Variants in PLSCR2 observed in about 807,000 individuals in gnomAD.
The protein encoded by PLSCR2 is PL scramblase 2.
Under a neutral mutation model 25.3 loss-of-function variants are expected in PLSCR2, and 18 were observed. The ratio of observed to expected loss-of-function variants is 0.71; its 90% CI spans 0.49 to 1.06. The LOEUF (loss-of-function observed/expected upper bound fraction) is 1.06. Ranked by LOEUF, PLSCR2 falls within the 50% of genes least tolerant of loss-of-function variation. The pLI is 0.00. For missense variants in PLSCR2, 243 were observed against 269.5 expected (o/e 0.90, Z 0.69); for synonymous variants, 88 against 87.3 (o/e 1.01, Z -0.04).
chr3:146,460,892 A>C (rs904747740), upstream of PLSCR2, among the ~76,000 whole-genome samples: 1 of 152,184 alleles, frequency 6.6e-6, no homozygotes, highest in African/African-American at 2.4e-5. Flanking sequence ...ATTGTTCTTA[A>C]AACATCAATT....
intron 1 of PLSCR2, among the ~76,000 whole-genome samples, chr3:146,494,254 T>C (rs941875731): frequency 2.6e-5 from 4 of 152,154 alleles, no homozygotes; most frequent in African/African-American, 4.8e-5. Flanking sequence ...ATAGAGACTA[T>C]TATTTGAAAT....
chr3:146,463,024 G>T (rs2041688865), upstream of PLSCR2, among the ~76,000 whole-genome samples: 1 of 152,074 alleles, frequency 6.6e-6, no homozygotes. Context: ...AGGTCCTGTG[G>T]CCCTGTCATG....
intron 1 of PLSCR2, among the ~76,000 whole-genome samples, chr3:146,474,178 A>G (rs1043339597): frequency 6.6e-6 from 1 of 152,188 alleles, no homozygotes; most frequent in Non-Finnish European, 1.5e-5. Flanking sequence ...TTATGTGAAG[A>G]CTGACTTGTG....
downstream of PLSCR2, among the ~76,000 whole-genome samples, chr3:146,440,276 G>C (rs764788207): frequency 6.6e-6 from 1 of 152,130 alleles, no homozygotes; most frequent in African/African-American, 2.4e-5. Flanking sequence ...ACTCTGTGCT[G>C]GGAGAAAAAC....
At chr3:146,461,412 T>C (rs73865729), upstream of PLSCR2, among the ~76,000 whole-genome samples, 1,556 of 152,306 alleles carry the variant, frequency 0.01, 31 homozygotes, top group African/African-American at 0.035. Flanking sequence ...TGATTGGCTC[T>C]GTTGTGGAAT....
chr3:146,495,020 G>T (rs1174088184), intron 1 of PLSCR2: 3 of 152,160 alleles, frequency 2.0e-5, no homozygotes, highest in Non-Finnish European at 4.4e-5. Flanking sequence ...GCTATAAAGT[G>T]AATCCAGGTA....
rs538901859 is a variant in PLSCR2 at position 146,493,793 on chromosome 3, T to G, written c.-293+2102A>C. 1.0e-4 allele frequency among the ~76,000 whole-genome samples: 15 copies of G among 149,090 alleles called. No individual in the cohort carries two copies. In the South Asian group the frequency reaches 2.1e-3, roughly 21 times the overall value. On this transcript the variant is annotated intron_variant, in intron 1 of 8. Transcript: ENST00000336685. Reference sequence around the variant, plus strand: ...TCAGTCCAAGGTGGCGTTTTTTTTTTTTTTTTTTTTTTTTGCAAGTGTAAA... The same window carrying G: ...TCAGTCCAAGGTGGCGTTTTTTTTTGTTTTTTTTTTTTTTGCAAGTGTAAA...
At chr3:146,495,101 G>A (rs929960429) in intron 1 of PLSCR2, 1 of 152,178 alleles carries the variant, frequency 6.6e-6, no homozygotes, top group Admixed American at 6.5e-5. Context: ...ATCAATTAGA[G>A]TAGGAGAGAA....
At chr3:146,485,338 C>A (rs1246905655) in intron 1 of PLSCR2, among the ~76,000 whole-genome samples, 1 of 152,080 alleles carries the variant, frequency 6.6e-6, no homozygotes, top group East Asian at 1.9e-4. Flanking sequence ...TAGACTCCCA[C>A]ATAATAATAG....
At chr3:146,478,100 G>C (rs1560048484) in intron 1 of PLSCR2, among the ~76,000 whole-genome samples, 1 of 152,246 alleles carries the variant, frequency 6.6e-6, no homozygotes, top group East Asian at 1.9e-4. Flanking sequence ...AACCCCATCT[G>C]TAGGTCACCA....
At chr3:146,399,837 C>T (rs574471397) in intron 2 of PLSCR2, among the ~76,000 whole-genome samples, 2 of 150,816 alleles carry the variant, frequency 1.3e-5, no homozygotes, top group South Asian at 4.2e-4. Flanking sequence ...TTCTTCCTTC[C>T]CTTTTTCTTA....
intron 2 of PLSCR2, among the ~76,000 whole-genome samples, chr3:146,412,033 A>AT (rs2038870350): frequency 1.3e-5 from 2 of 151,858 alleles, no homozygotes; most frequent in East Asian, 3.8e-4. Context: ...TGAAAGAGCC[A>AT]AGATGGAGTC....
At chr3:146,467,602 A>G (rs2041926901) in intron 1 of PLSCR2, among the ~76,000 whole-genome samples, 1 of 151,834 alleles carries the variant, frequency 6.6e-6, no homozygotes, top group African/African-American at 2.4e-5. Context: ...TATTAATTAA[A>G]TTTATTATAA....
At chr3:146,420,789 C>T (rs758705132) in intron 2 of PLSCR2, among the ~76,000 whole-genome samples, 14 of 152,082 alleles carry the variant, frequency 9.2e-5, no homozygotes, top group Admixed American at 6.6e-4. Flanking sequence ...AGAAAATAGG[C>T]GTATTGTATT....
chr3:146,395,995 A>T (rs907282156), intron 2 of PLSCR2: 1 of 252,132 alleles, frequency 4.0e-6, no homozygotes, highest in African/African-American at 2.3e-5. Context: ...CAAATTTATT[A>T]ATTATGACCT....
At chr3:146,426,490 A>G (rs975787326) in intron 2 of PLSCR2, among the ~76,000 whole-genome samples, 4 of 152,098 alleles carry the variant, frequency 2.6e-5, no homozygotes, top group Non-Finnish European at 5.9e-5. Context: ...AACTCTCTAT[A>G]AAACCTACCC....
At chr3:146,486,584 T>A (rs1198085227) in intron 1 of PLSCR2, among the ~76,000 whole-genome samples, 1 of 151,882 alleles carries the variant, frequency 6.6e-6, no homozygotes, top group Non-Finnish European at 1.5e-5. Context: ...AATGGATAAA[T>A]TCCTGGACAT....
chr3:146,442,052 TTTAA>T (rs955293842), intron 6 of PLSCR2, among the ~76,000 whole-genome samples: 29 of 152,208 alleles, frequency 1.9e-4, no homozygotes, highest in African/African-American at 7.0e-4. Context: ...CCTGCATTAA[TTTAA>T]TTAATCCTAT....
chr3:146,398,188 A>T (rs1222526578), intron 2 of PLSCR2, among the ~76,000 whole-genome samples: 1 of 151,930 alleles, frequency 6.6e-6, no homozygotes, highest in Non-Finnish European at 1.5e-5. Context: ...TATGTGAAGT[A>T]TGTTTAGTAG....
Sources: allele counts gnomAD v4.1 joint callset (sites outside exome capture counted in the v4.1 genomes callset), GRCh38; gene constraint gnomAD v4.1.1; transcripts MANE v1.5; gene names NCBI Gene and HGNC (gene_info 2026-07-23, HGNC 2026-07-21).